The following PRKD2 variants were observed in gnomAD, a reference collection of about 807,000 sequenced individuals.
The protein encoded by PRKD2 is serine/threonine-protein kinase D2.
PRKD2 carries 22 observed loss-of-function variants against 86.0 expected under a neutral mutation model. The observed-to-expected ratio is 0.26, with a 90% confidence interval of 0.18 to 0.37. The LOEUF is 0.37. PRKD2 is among the 10% of genes least tolerant of loss of function. The pLI is 1.00. For synonymous variants in PRKD2, 509 were observed against 510.9 expected (o/e 1.00, Z 0.05); for missense variants, 818 against 1,199.2 (o/e 0.68, Z 4.70).
rs759288903 is a variant in PRKD2, at chr19:46,701,083, C to T, written c.919G>A (p.Ala307Thr). The T allele has an allele frequency of 1.7e-5, 27 of 1,614,026 alleles. No homozygotes were observed. Among genetic ancestry groups the T allele is most frequent in the Non-Finnish European group, 2.1e-5 (25 of 1,180,048 alleles). ...DCKFNCHKRC[A>T]TRVPNDCLGE... Reference sequence around the variant, plus strand: ...AGGCAGTCATTAGGGACGCGGGTGGCGCAGCGTTTGTGACAGTTAAACTTG... The same window carrying T: ...AGGCAGTCATTAGGGACGCGGGTGGTGCAGCGTTTGTGACAGTTAAACTTG... Residue 307 changes from alanine to threonine, a missense_variant, in exon 6 of 18, where the codon GCC (alanine) becomes ACC (threonine). Physicochemically the swap from Ala to Thr is moderately conservative, Grantham distance 58. Around this residue, in one of 5 missense-constraint regions of PRKD2, gnomAD observed 403 missense variants for 518.6 expected, o/e 0.78. Transcript: ENST00000291281.
intron 14 of PRKD2, among the ~76,000 whole-genome samples, chr19:46,689,311 C>T (rs1229960967): frequency 6.6e-6 from 1 of 151,942 alleles, no homozygotes; most frequent in Non-Finnish European, 1.5e-5. Flanking sequence ...CTAGTAGAGA[C>T]AGGGTTTCAC....
chr19:46,699,118 G>A (rs2122717083), intron 7 of PRKD2, among the ~76,000 whole-genome samples: 1 of 152,136 alleles, frequency 6.6e-6, no homozygotes, highest in East Asian at 1.9e-4. Flanking sequence ...CAGCTACATG[G>A]GTCTCTTTGC....
At chr19:46,706,049 G>T (rs776458624) in intron 3 of PRKD2, among the ~76,000 whole-genome samples, 1 of 151,676 alleles carries the variant, frequency 6.6e-6, no homozygotes, top group Non-Finnish European at 1.5e-5. Flanking sequence ...TTTTTTTGTA[G>T]AGATGGGGTC....
chr19:46,708,982 T>TTG (rs35259973), intron 3 of PRKD2, among the ~76,000 whole-genome samples: 66,758 of 140,068 alleles, frequency 0.48, 16,256 homozygotes, highest in South Asian at 0.57. Context: ...GTTTTTTTTT[T>TTG]TTTTTTTTTT....
rs2053844792 is a variant in PRKD2, at chr19:46,713,878, C to G, written c.364G>C (p.Glu122Gln). ...CACCTCTCACCCGACAGCACCACCT[C>G]CACCAGGTCGCCCTCCTGGATGTCT... ...SGDIQEGDLV[E>Q]VVLSASATFE... The change falls in exon 2 of 18, where the codon GAG becomes CAG. Residue 122 changes from glutamate (E) to glutamine (Q), a missense_variant. By Grantham distance (29) the Glu-to-Gln change is conservative (BLOSUM62 2). Coordinates refer to ENST00000291281, the MANE Select transcript of PRKD2 (RefSeq NM_016457.5). 1.2e-6 allele frequency: 2 copies of G among 1,606,112 alleles called. No individual in the cohort carries two copies. The highest frequency in any genetic ancestry group is 2.7e-5 in the African/African-American group (2 of 74,748).
chr19:46,694,124 G>A lies in PRKD2; in HGVS notation c.1327C>T (p.Leu443=), dbSNP rs142749579. Residue 443 remains leucine (L), a synonymous_variant, in exon 10 of 18, where the codon CTG becomes TTG. Coordinates refer to ENST00000291281, the MANE Select transcript of PRKD2 (RefSeq NM_016457.5). ...GACTCCACCGTGAGGATTTCTGACA[G>A]CGGAATTTCCTGCAGGACGTGGAAC... The part of the protein sequence containing the change: ...TTNRYYKEIP[L]SEILTVESAQ... The A allele has an allele frequency of 6.2e-7, 1 of 1,613,574 alleles. No homozygotes were observed. Among genetic ancestry groups the A allele is most frequent in the Non-Finnish European group, 8.5e-7 (1 of 1,179,654 alleles).
rs114615480 is a variant in PRKD2 at position 46,695,594 on chromosome 19, T to C, written c.1318-1461A>G. ...GGCCCTAGGAAGCCACTGAAGGCTT[T>C]TGAGCATCATCCGCTTGTGTGCGGA... On this transcript the variant is annotated intron_variant, in intron 9 of 17. Coordinates refer to ENST00000291281, the MANE Select transcript of PRKD2 (RefSeq NM_016457.5). Among the ~76,000 whole-genome samples the C allele has an allele frequency of 7.3e-3, 1,112 of 152,296 alleles. 9 individuals are homozygous for C. The highest frequency in any genetic ancestry group is 0.026 in the African/African-American group (1,073 of 41,562).
chr19:46,693,846 T>C lies in PRKD2; in HGVS notation c.1576+29A>G. 6.4e-7 allele frequency: 1 copy of C among 1,564,816 alleles called. No homozygotes were observed. Among genetic ancestry groups the C allele is most frequent in the Non-Finnish European group, 8.6e-7 (1 of 1,157,090 alleles). On this transcript the variant is annotated intron_variant, in intron 10 of 17. Coordinates refer to ENST00000291281, the MANE Select transcript of PRKD2 (RefSeq NM_016457.5). The surrounding 1 kb of genome is among the most constrained non-coding windows in gnomAD (Gnocchi z 4.5). ...GTGCCCCACCCATCTAGATCTATTCTCTCAAGGACCCGAGGTGGGAGGACT... is the reference window on the plus strand; with the variant it reads ...GTGCCCCACCCATCTAGATCTATTCCCTCAAGGACCCGAGGTGGGAGGACT...
rs1259082824 is a variant in PRKD2 at position 46,695,684 on chromosome 19, G to A, written c.1317+1473C>T. On this transcript the variant is annotated intron_variant, in intron 9 of 17. Transcript: ENST00000291281. Reference sequence around the variant, plus strand: ...GAAGGAGGCTGAGGGGACCCAGGCGGGACAGAAGGCACAGGGACTATGGGG... The same window carrying A: ...GAAGGAGGCTGAGGGGACCCAGGCGAGACAGAAGGCACAGGGACTATGGGG... Among the ~76,000 whole-genome samples, 4 of 152,140 alleles carry A rather than the reference G, an allele frequency of 2.6e-5. No homozygotes were observed. In the East Asian group the frequency reaches 5.8e-4, roughly 22 times the overall value.
At chr19:46,674,801 T>C (rs1331757221) in intron 17 of PRKD2, 66 bp from the exon 18 acceptor site, 1 of 1,507,002 alleles carries the variant, frequency 6.6e-7, no homozygotes, top group Non-Finnish European at 8.9e-7. Flanking sequence ...TATCCTCTGG[T>C]TTGCCACTGA....
intron 8 of PRKD2, 151 bp from the exon 9 acceptor site, chr19:46,697,385 A>G (rs996136675): frequency 1.7e-6 from 1 of 600,560 alleles, no homozygotes; most frequent in Non-Finnish European, 2.9e-6. Flanking sequence ...ACCCCACCAC[A>G]CGCCCTAACC....
chr19:46,674,550 C>T lies in PRKD2; in HGVS notation c.2610G>A (p.Gly870=), dbSNP rs1053932444. The T allele has an allele frequency of 1.2e-6, 2 of 1,613,104 alleles. No homozygotes were observed. The highest frequency in any genetic ancestry group is 8.5e-7 in the Non-Finnish European group (1 of 1,179,892). The change falls in exon 18 of 18, where the codon GGG becomes GGA. Residue 870 remains glycine, a synonymous_variant. Transcript: ENST00000291281. ...AGAGAACACTGATGCGCTCCGCCAG[C>T]CCCTGCATGTCGTGGTCCTGTGGTG... ...ACPPQDHDMQ[G]LAERISVL is the part of the protein sequence containing the mutation.
At chr19:46,702,815 G>A (rs1262435789) in intron 5 of PRKD2, among the ~76,000 whole-genome samples, 1 of 152,070 alleles carries the variant, frequency 6.6e-6, no homozygotes, top group Non-Finnish European at 1.5e-5. Flanking sequence ...AGAGTCCCAA[G>A]TAGCTGGAAC....
At position 46,678,060 on chromosome 19, in the gene PRKD2, G is replaced by A. The variant is rs1044168067; in HGVS notation, c.2338+336C>T. 3.3e-5 allele frequency among the ~76,000 whole-genome samples: 5 copies of A among 152,110 alleles called. No homozygotes were observed. The highest frequency in any genetic ancestry group is 1.3e-4 in the Admixed American group (2 of 15,266). ...GGCTCAGCCCCTTCTCCTGGTCACC[G>A]CAGCCCTTTGGTACCCTCAAGTCCA... On this transcript the variant is annotated intron_variant, in intron 16 of 17. Coordinates refer to ENST00000291281, the MANE Select transcript of PRKD2 (RefSeq NM_016457.5). The surrounding 1 kb of genome is among the most constrained non-coding windows in gnomAD (Gnocchi z 5.7).
chr19:46,689,963 C>T (rs1021456164), intron 13 of PRKD2, among the ~76,000 whole-genome samples: 2 of 152,132 alleles, frequency 1.3e-5, no homozygotes, highest in African/African-American at 4.8e-5. Flanking sequence ...TGGTCTCAAA[C>T]TTCTGGCCTC....
intron 9 of PRKD2, 86 bp downstream of exon 9, chr19:46,697,071 C>T (rs1463248796): frequency 9.1e-7 from 1 of 1,096,900 alleles, no homozygotes; most frequent in African/African-American, 1.5e-5. Context: ...CAGGATCTGT[C>T]TGGAGTAACT....
At chr19:46,710,732 T>G (rs1419524240) in intron 3 of PRKD2, 175 bp downstream of exon 3, 2 of 726,710 alleles carry the variant, frequency 2.8e-6, no homozygotes, top group Non-Finnish European at 4.2e-6. Flanking sequence ...CCACCACTCC[T>G]TCCCCAAGCT....
chr19:46,710,872 G>GC (rs780741269), intron 3 of PRKD2, 35 bp downstream of exon 3: 39 of 508,414 alleles, frequency 7.7e-5, no homozygotes, highest in African/African-American at 1.9e-4. Context: ...GCAGAGCCCC[G>GC]CCCCAGGCCC....
chr19:46,711,513 C>T (rs1415836696), intron 2 of PRKD2, among the ~76,000 whole-genome samples: 3 of 151,906 alleles, frequency 2.0e-5, no homozygotes, highest in Admixed American at 2.0e-4. Flanking sequence ...CTGCCTCAGC[C>T]TCCAGAGTAG....
Sources: allele counts gnomAD v4.1 joint callset (sites outside exome capture counted in the v4.1 genomes callset), GRCh38; gene constraint gnomAD v4.1.1; regional missense constraint gnomAD v4.1.1; non-coding constraint Gnocchi (gnomAD v3.1); transcripts MANE v1.5; gene names NCBI Gene and HGNC (gene_info 2026-07-23, HGNC 2026-07-21).